Variants in CFAP251 observed in about 807,000 individuals in gnomAD.
CFAP251 encodes the protein cilia- and flagella-associated protein 251.
In CFAP251, 93 loss-of-function variants were observed where a neutral mutation model predicts 126.7. That is an observed-to-expected ratio of 0.73 (90% CI 0.62 to 0.87). CFAP251 has a LOEUF of 0.87. CFAP251 is among the 40% of genes least tolerant of loss of function. CFAP251 has a pLI of 0.00. For synonymous variants in CFAP251, 503 were observed against 506.9 expected (o/e 0.99, Z 0.10); for missense variants, 1,287 against 1,389.2 (o/e 0.93, Z 1.17).
intron 19 of CFAP251, among the ~76,000 whole-genome samples, chr12:121,985,346 C>T (rs1476820482): frequency 2.0e-5 from 3 of 151,852 alleles, no homozygotes; most frequent in South Asian, 2.1e-4. Context: ...CCAGTTTGGC[C>T]AACATGGCCA....
At chr12:121,987,001 T>C (rs79032542) in intron 19 of CFAP251, among the ~76,000 whole-genome samples, 8,564 of 152,240 alleles carry the variant, frequency 0.056, 288 homozygotes, top group East Asian at 0.075. Context: ...AAGCCCTGTG[T>C]GCTAATCTTC....
chr12:121,948,278 T>A (rs1306377533), intron 7 of CFAP251: 1 of 152,248 alleles, frequency 6.6e-6, no homozygotes, highest in Non-Finnish European at 1.5e-5. Context: ...AGATATTGTG[T>A]GGCCCTGTCA....
chr12:121,921,472 A>G lies in CFAP251; in HGVS notation c.167A>G (p.Lys56Arg). ...AWRESQEEER[K>R]TGEEEGEEEG... is the part of the protein sequence containing the mutation. ...AGAGAGTCTCAGGAGGAGGAGAGGA[A>G]AACGGGCGAGGAGGAAGGGGAGGAG... The change falls in exon 2 of 22, where the codon AAA (lysine) becomes AGA (arginine). Residue 56 changes from lysine to arginine, a missense_variant. Physicochemically the swap from Lys to Arg is conservative, Grantham distance 26. Coordinates refer to ENST00000288912, the MANE Select transcript of CFAP251 (RefSeq NM_144668.6). 1 of 1,613,872 alleles carries G rather than the reference A, an allele frequency of 6.2e-7. No individual in the cohort carries two copies. Among genetic ancestry groups the G allele is most frequent in the Non-Finnish European group, 8.5e-7 (1 of 1,179,842 alleles).
intron 19 of CFAP251, chr12:121,997,455 A>G (rs1883045913): frequency 6.6e-6 from 1 of 150,970 alleles, no homozygotes; most frequent in African/African-American, 2.4e-5. Context: ...GCATCCCTAC[A>G]CTTTGGGAGG....
chr12:121,999,959 C>T lies in CFAP251; in HGVS notation c.3235+15C>T, dbSNP rs201040230. ...CGTTACTAAAGGTAAGCACATACAT[C>T]AGGATGTCTGGTAACATCCTGGGGC... On this transcript the variant is annotated intron_variant, in intron 20 of 21. Coordinates refer to ENST00000288912, the MANE Select transcript of CFAP251 (RefSeq NM_144668.6). 4.4e-6 allele frequency: 7 copies of T among 1,594,638 alleles called. No homozygotes were observed. The African/African-American group carries it at 6.7e-5, about 15-fold the overall frequency.
chr12:121,960,457 A>T (rs540205291), intron 13 of CFAP251, 128 bp from the exon 14 acceptor site: 14 of 939,430 alleles, frequency 1.5e-5, no homozygotes, highest in East Asian at 7.7e-5. Flanking sequence ...ACCTCAGGTG[A>T]TCCACCCGCC....
chr12:121,936,980 C>T (rs1014871316), intron 5 of CFAP251, among the ~76,000 whole-genome samples: 8 of 152,170 alleles, frequency 5.3e-5, no homozygotes, highest in African/African-American at 1.9e-4. Flanking sequence ...GGCTTCCATG[C>T]CCGGTCAGCC....
rs1444946601 is a variant in CFAP251 at position 121,999,889 on chromosome 12, C to T, written c.3180C>T (p.Ser1060=). The T allele has an allele frequency of 6.2e-7, 1 of 1,614,066 alleles. No individual in the cohort carries two copies. The stretch of plus-strand genomic sequence containing the variant: ...TTGAGGTGCTCGGTTATACCAACTC[C>T]AAAGGGAAAAAGGCCATTCGAAGAG... ...KSFEVLGYTN[S]KGKKAIRRED... Residue 1060 remains serine (S), a synonymous_variant, in exon 20 of 22, where the codon TCC becomes TCT. Coordinates refer to ENST00000288912, the MANE Select transcript of CFAP251 (RefSeq NM_144668.6).
At chr12:121,978,573 T>C (rs951985506) in intron 19 of CFAP251, among the ~76,000 whole-genome samples, 2 of 151,946 alleles carry the variant, frequency 1.3e-5, no homozygotes, top group Non-Finnish European at 2.9e-5. Context: ...TATATGGACA[T>C]AGATATATCT....
At chr12:121,952,240 T>TAAAAAAAAAAAAAAAAAAAAAAAA (rs558861973) in intron 9 of CFAP251, among the ~76,000 whole-genome samples, 1 of 92,100 alleles carries the variant, frequency 1.1e-5, no homozygotes, top group Non-Finnish European at 1.9e-5. Flanking sequence ...TCGTTTCTAC[T>TAAAAAAAAAAAAAAAAAAAAAAAA]AAAAAAAAAA....
intron 11 of CFAP251, 148 bp from the exon 12 acceptor site, chr12:121,958,124 T>G: frequency 8.5e-7 from 1 of 1,171,024 alleles, no homozygotes; most frequent in Non-Finnish European, 1.2e-6. Context: ...CTGTTGGGTA[T>G]TGGTGGTATA....
At chr12:122,001,811 C>G (rs570539191) in intron 21 of CFAP251, 3 of 572,418 alleles carry the variant, frequency 5.2e-6, no homozygotes, top group South Asian at 4.0e-5. Flanking sequence ...TTTGTTTCTT[C>G]TGGGCTTATT....
chr12:121,922,963 G>T (rs1446222102), intron 2 of CFAP251, among the ~76,000 whole-genome samples: 1 of 148,784 alleles, frequency 6.7e-6, no homozygotes, highest in Non-Finnish European at 1.5e-5. Context: ...CTAATTTTTT[G>T]TTTTTGTATT....
intron 19 of CFAP251, among the ~76,000 whole-genome samples, chr12:121,993,774 GCA>G (rs1565925405): frequency 3.7e-5 from 4 of 107,106 alleles, no homozygotes; most frequent in East Asian, 3.3e-4. Context: ...TGCCCGGCCA[GCA>G]CCCCGTCCGG....
intron 19 of CFAP251, among the ~76,000 whole-genome samples, chr12:121,981,082 C>T (rs1266183215): frequency 6.6e-6 from 1 of 152,200 alleles, no homozygotes; most frequent in Non-Finnish European, 1.5e-5. Context: ...CAGCATGTTC[C>T]TCTTAAGAGG....
chr12:121,930,188 A>T (rs990042683), intron 3 of CFAP251, among the ~76,000 whole-genome samples: 1 of 151,800 alleles, frequency 6.6e-6, no homozygotes, highest in African/African-American at 2.4e-5. Context: ...TTTATTCTTA[A>T]TTTTTAAAAA....
intron 2 of CFAP251, among the ~76,000 whole-genome samples, chr12:121,923,231 A>C (rs1215115859): frequency 2.1e-5 from 3 of 144,002 alleles, no homozygotes; most frequent in Non-Finnish European, 4.5e-5. Context: ...ATGATCTTTC[A>C]CAAGCAGCCT....
intron 1 of CFAP251, 87 bp from the exon 2 acceptor site, chr12:121,921,199 T>C: frequency 7.1e-7 from 1 of 1,401,120 alleles, no homozygotes; most frequent in Non-Finnish European, 9.6e-7. Context: ...GAGCCATTTA[T>C]GCACATTTCA....
At chr12:121,927,663 C>T (rs1880472274) in intron 3 of CFAP251, among the ~76,000 whole-genome samples, 1 of 152,166 alleles carries the variant, frequency 6.6e-6, no homozygotes, top group South Asian at 2.1e-4. Context: ...TAATTTCTTG[C>T]TGTCACACAA....
Sources: gnomAD v4.1 joint callset for allele counts (sites outside exome capture counted in the v4.1 genomes callset) on GRCh38, gnomAD v4.1.1 for gene constraint, MANE v1.5 for transcripts, NCBI Gene and HGNC (gene_info 2026-07-23, HGNC 2026-07-21) for gene names.